SDK2: variants seen among roughly 807,000 people sequenced by gnomAD.
SDK2 encodes protein sidekick-2.
In SDK2, 105 loss-of-function variants were observed where a neutral mutation model predicts 253.9. That is an observed-to-expected ratio of 0.41 (90% CI 0.35 to 0.49). SDK2 has a LOEUF of 0.49. Among genes scored for constraint, SDK2 ranks in the 20% least tolerant of loss-of-function variants. The pLI is 0.06. For synonymous variants in SDK2, 1,249 were observed against 1,234.9 expected, an observed-to-expected ratio of 1.01 and a Z score of -0.24; for missense variants, 2,608 against 3,003.0, an observed-to-expected ratio of 0.87 and a Z score of 3.07.
At chr17:73,369,478 C>T (rs562333942) in intron 36 of SDK2, among the ~76,000 whole-genome samples, 48 of 152,364 alleles carry the variant, frequency 3.2e-4, no homozygotes, top group African/African-American at 1.1e-3. Context: ...GGCCAGCTGA[C>T]TTCCCAGAGC....
chr17:73,621,783 T>C (rs946460407), intron 1 of SDK2, among the ~76,000 whole-genome samples: 4 of 151,860 alleles, frequency 2.6e-5, no homozygotes, highest in Non-Finnish European at 5.9e-5. Flanking sequence ...AGTAAGAAGA[T>C]TGAAAAAAGT....
rs367954718 is a variant in SDK2, at chr17:73,611,106, C to G, written c.64+32919G>C. ...GGTCGTGCTGCGATTTTGCAAGAGA[C>G]CAGGGGCTCCGAGGGGTTGTGGTGC... On this transcript the variant is annotated intron_variant, in intron 1 of 44. Transcript: ENST00000392650. Among the ~76,000 whole-genome samples, 5 of 152,342 alleles carry G rather than the reference C, an allele frequency of 3.3e-5. No individual in the cohort carries two copies. The East Asian group carries it at 9.6e-4, about 29-fold the overall frequency.
chr17:73,578,428 T>A (rs559664139), intron 1 of SDK2, among the ~76,000 whole-genome samples: 13 of 152,178 alleles, frequency 8.5e-5, no homozygotes, highest in Non-Finnish European at 1.6e-4. Context: ...AACTGTAAGA[T>A]AACAAATTTG....
chr17:73,414,039 TC>T (rs1568390667), intron 18 of SDK2, among the ~76,000 whole-genome samples: 17 of 151,652 alleles, frequency 1.1e-4, no homozygotes, highest in Admixed American at 1.1e-3. Context: ...TTCTTCTTTT[TC>T]TCTCTCTCTT....
rs531930012 is a variant in SDK2 at position 73,344,012 on chromosome 17, C to T, written c.6165+4587G>A. ...GGCAGCGCATCTGTGCGGGGTGTTC[C>T]GCCTGTCCCCTGGATGCCTCTACCC... On this transcript the variant is annotated intron_variant, in intron 44 of 44. Transcript: ENST00000392650. 4.6e-5 allele frequency among the ~76,000 whole-genome samples: 7 copies of T among 152,262 alleles called. No individual in the cohort carries two copies. In the East Asian group the frequency reaches 5.8e-4, roughly 13 times the overall value.
chr17:73,523,210 G>A (rs1326217144), intron 1 of SDK2, among the ~76,000 whole-genome samples: 6 of 151,754 alleles, frequency 4.0e-5, no homozygotes, highest in Admixed American at 2.6e-4. Context: ...CCCCTTCCAA[G>A]TCTAGGCTCT....
At chr17:73,392,686 A>G (rs1032733732) in intron 27 of SDK2, among the ~76,000 whole-genome samples, 1 of 152,184 alleles carries the variant, frequency 6.6e-6, no homozygotes, top group Admixed American at 6.5e-5. Context: ...TAGCATATGC[A>G]AACATATGGT....
At chr17:73,363,340 GA>G (rs1332553136) in intron 38 of SDK2, among the ~76,000 whole-genome samples, 3 of 152,216 alleles carry the variant, frequency 2.0e-5, no homozygotes, top group African/African-American at 4.8e-5. Context: ...GAAGTGCTGG[GA>G]TTGCAGGTGT....
chr17:73,357,975 C>T (rs73343872), intron 40 of SDK2, 104 bp downstream of exon 40: 43,551 of 1,543,466 alleles, frequency 0.028, 1,361 homozygotes, highest in East Asian at 0.16. Context: ...GTAGCACAAG[C>T]GCCTTCTCAG....
Position 73,507,565 on chromosome 17 carries a change from C to A in SDK2, c.97G>T (p.Val33Leu). 6.4e-7 allele frequency: 1 copy of A among 1,551,690 alleles called. No homozygotes were observed. The highest frequency in any genetic ancestry group is 8.7e-7 in the Non-Finnish European group (1 of 1,146,984). ...DVSPYFKTEP[V>L]RTQVHLEGNR... Reference sequence around the variant, plus strand: ...CCTTCCAAGTGCACCTGTGTCCGCACAGGCTCTGTCTTGAAATACGGGGAC... The same window carrying A: ...CCTTCCAAGTGCACCTGTGTCCGCAAAGGCTCTGTCTTGAAATACGGGGAC... The change falls in exon 2 of 45, where the codon GTG becomes TTG. Residue 33 changes from valine (V) to leucine (L), a missense_variant. Val to Leu is a conservative substitution (Grantham distance 32, BLOSUM62 1). Transcript: ENST00000392650.
rs2062401419 is a variant in SDK2 at position 73,338,535 on chromosome 17, G to A, written c.*52C>T. ...TTTCTGGCAGGCAGTGAGAGGAGGGGTGAAGGAGGAGTTTGGTGCCATTTC... is the reference window on the plus strand; with the variant it reads ...TTTCTGGCAGGCAGTGAGAGGAGGGATGAAGGAGGAGTTTGGTGCCATTTC... On this transcript the variant is annotated 3_prime_UTR_variant, in exon 45 of 45. Transcript: ENST00000392650. This position sits in a 1 kb window ranked among gnomAD's most constrained non-coding sequence, Gnocchi z 5.0. The A allele has an allele frequency of 2.8e-6, 3 of 1,089,904 alleles. No homozygotes were observed. The highest frequency in any genetic ancestry group is 3.9e-6 in the Non-Finnish European group (3 of 761,992). 67.5% of individuals were successfully genotyped at this position (1,089,904 alleles called of 1,614,324 possible). A position where few individuals can be genotyped will look rare whatever the true frequency, so the allele number is the denominator to read the frequency against.
chr17:73,469,992 G>GCGCGCGCGCGCACACA (rs1328450219), intron 3 of SDK2, among the ~76,000 whole-genome samples: 7 of 126,184 alleles, frequency 5.5e-5, no homozygotes, highest in African/African-American at 2.2e-4. Flanking sequence ...GCGCGCGCGC[G>GCGCGCGCGCGCACACA]CACACACACA....
In SDK2 at chr17:73,598,871, C is replaced by T. The variant is rs145486191; in HGVS notation, c.64+45154G>A. Among the ~76,000 whole-genome samples, 88 of 152,316 alleles carry T rather than the reference C, an allele frequency of 5.8e-4. No individual in the cohort carries two copies. The East Asian group carries it at 0.016, about 28-fold the overall frequency. The stretch of plus-strand genomic sequence containing the variant: ...AAGTCACAGCACCTCTCCTGCTTTC[C>T]GTTTCCATTTACACAATAAAATGAA... On this transcript the variant is annotated intron_variant, in intron 1 of 44. Coordinates refer to ENST00000392650, the MANE Select transcript of SDK2 (RefSeq NM_001144952.2).
In SDK2 at chr17:73,415,794, C is replaced by A. The variant is rs1422014353; in HGVS notation, c.2368+17G>T. 3 of 1,547,932 alleles carry A rather than the reference C, an allele frequency of 1.9e-6. No individual in the cohort carries two copies. The African/African-American group carries it at 4.1e-5, about 21-fold the overall frequency. On this transcript the variant is annotated intron_variant, in intron 17 of 44. Transcript: ENST00000392650. The stretch of plus-strand genomic sequence containing the variant: ...ATGAGCCACCGCGCCTGGTCTGAGA[C>A]CACAGTCTCTACCTACCTCCCTGCA...
At chr17:73,522,353 G>A (rs773455542) in intron 1 of SDK2, among the ~76,000 whole-genome samples, 10 of 152,234 alleles carry the variant, frequency 6.6e-5, no homozygotes, top group Non-Finnish European at 1.5e-4. Flanking sequence ...GTGGCAGGTG[G>A]CATTCCCAGA....
At chr17:73,556,741 C>A (rs1372309552) in intron 1 of SDK2, among the ~76,000 whole-genome samples, 2 of 152,220 alleles carry the variant, frequency 1.3e-5, no homozygotes, top group Non-Finnish European at 2.9e-5. Flanking sequence ...TCTAACCTGG[C>A]AGCTGTCAGC....
Position 73,379,629 on chromosome 17 carries a change from C to T in SDK2, c.4763-80G>A. On this transcript the variant is annotated intron_variant, in intron 34 of 44. Coordinates refer to ENST00000392650, the MANE Select transcript of SDK2 (RefSeq NM_001144952.2). This position sits in a 1 kb window ranked among gnomAD's most constrained non-coding sequence, Gnocchi z 4.5. ...AAGGTGTCCCCAGGGAGGGTGGAGG[C>T]TGCAGGGGGAGGAATGAGGCACCCC... 2.4e-6 allele frequency: 2 copies of T among 826,556 alleles called. No homozygotes were observed. Among genetic ancestry groups the T allele is most frequent in the Non-Finnish European group, 3.9e-6 (2 of 510,590 alleles). The allele number at this position is 826,556 out of a possible 1,614,324, so 51.2% of individuals were successfully genotyped here.
chr17:73,375,941 A>T (rs1009569744), intron 36 of SDK2, among the ~76,000 whole-genome samples: 6 of 152,074 alleles, frequency 3.9e-5, no homozygotes, highest in African/African-American at 1.4e-4. Context: ...CACTCCTGTA[A>T]TCCCAGCACT....
At chr17:73,418,735 G>A (rs1014143066) in intron 16 of SDK2, among the ~76,000 whole-genome samples, 3 of 152,104 alleles carry the variant, frequency 2.0e-5, no homozygotes, top group Admixed American at 2.0e-4. Flanking sequence ...GTATAACTGG[G>A]CTTCATTTCC....
Sources: gnomAD v4.1 joint callset for allele counts (sites outside exome capture counted in the v4.1 genomes callset) on GRCh38, gnomAD v4.1.1 for gene constraint, Gnocchi (gnomAD v3.1) non-coding constraint, MANE v1.5 for transcripts, NCBI Gene and HGNC (gene_info 2026-07-23, HGNC 2026-07-21) for gene names.